The following CD8B2 variants were observed in gnomAD, a reference collection of about 807,000 sequenced individuals.
CD8B2 encodes T-cell surface glycoprotein CD8 beta-2 chain.
In CD8B2, 11 loss-of-function variants were observed where a neutral mutation model predicts 23.7. The ratio of observed to expected loss-of-function variants is 0.46; its 90% CI spans 0.29 to 0.77. The LOEUF (loss-of-function observed/expected upper bound fraction) is 0.77, where lower values mean the gene tolerates loss of function less well. CD8B2 is among the 30% of genes least tolerant of loss of function. CD8B2 has a pLI of 0.09. For missense variants in CD8B2, 197 were observed against 270.5 expected, an observed-to-expected ratio of 0.73 and a Z score of 1.91; for synonymous variants, 90 against 109.3, an observed-to-expected ratio of 0.82 and a Z score of 1.10.
intron 5 of CD8B2, among the ~76,000 whole-genome samples, chr2:106,524,678 T>C (rs1417863309): frequency 6.6e-6 from 1 of 152,210 alleles, no homozygotes; most frequent in Non-Finnish European, 1.5e-5. Flanking sequence ...TTCAGAAGTA[T>C]ATTCTCTTAG....
intron 5 of CD8B2, among the ~76,000 whole-genome samples, chr2:106,541,010 A>C (rs1680163845): frequency 6.6e-6 from 1 of 152,140 alleles, no homozygotes; most frequent in African/African-American, 2.4e-5. Context: ...TCAATGGTCC[A>C]CAGGAGCCCA....
At chr2:106,526,164 C>T (rs1017057398) in intron 5 of CD8B2, among the ~76,000 whole-genome samples, 1 of 151,848 alleles carries the variant, frequency 6.6e-6, no homozygotes, top group Non-Finnish European at 1.5e-5. Context: ...TCACTTGAAC[C>T]CGGGAGGCAG....
chr2:106,507,773 G>A lies in CD8B2; in HGVS notation c.*833G>A, dbSNP rs551327116. On this transcript the variant is annotated 3_prime_UTR_variant, in exon 6 of 6. Transcript: ENST00000643224. ...ATTTGTACATCCTCCTTTTGCACCT[G>A]AGATCCTCATTTGCCCGACATTGTA... is the stretch of plus-strand genomic sequence containing the variant. 7 of 390,998 alleles carry A rather than the reference G, an allele frequency of 1.8e-5. No homozygotes were observed. In the South Asian group the frequency reaches 6.4e-4, roughly 36 times the overall value. 24.2% of individuals were successfully genotyped at this position (390,998 alleles called of 1,614,324 possible). A position where few individuals can be genotyped will look rare whatever the true frequency, so the allele number is the denominator to read the frequency against.
intron 5 of CD8B2, among the ~76,000 whole-genome samples, chr2:106,523,012 A>C (rs1443003009): frequency 6.6e-6 from 1 of 152,132 alleles, no homozygotes; most frequent in Non-Finnish European, 1.5e-5. Flanking sequence ...AAAGGGCCTA[A>C]ATTTTATTTT....
chr2:106,512,860 C>A (rs1307892504), downstream of CD8B2, among the ~76,000 whole-genome samples: 2 of 152,128 alleles, frequency 1.3e-5, no homozygotes, highest in African/African-American at 4.8e-5. Context: ...ATAGTTGGGC[C>A]CCCAGGGCTC....
At position 106,503,740 on chromosome 2, in the gene CD8B2, C is replaced by T. The variant is rs527690840; in HGVS notation, c.584-549C>T. The stretch of plus-strand genomic sequence containing the variant: ...CTTGAGCCCAGGAGTTCAAGTCTAG[C>T]CTAGACAACATAATAAGACCCCATT... On this transcript the variant is annotated intron_variant, in intron 4 of 5. Coordinates refer to ENST00000643224, the MANE Select transcript of CD8B2 (RefSeq NM_001349727.2). Among the ~76,000 whole-genome samples the T allele has an allele frequency of 2.0e-5, 3 of 151,838 alleles. No homozygotes were observed. The South Asian group carries it at 6.3e-4, about 32-fold the overall frequency.
chr2:106,521,029 A>AGG (rs1164057706), intron 5 of CD8B2, among the ~76,000 whole-genome samples: 1 of 148,268 alleles, frequency 6.7e-6, no homozygotes, highest in Non-Finnish European at 1.5e-5. Context: ...TAAGGGAGAG[A>AGG]GAGAGAGAGA....
chr2:106,516,401 C>A (rs752910931), intron 5 of CD8B2, among the ~76,000 whole-genome samples: 2 of 152,168 alleles, frequency 1.3e-5, no homozygotes, highest in African/African-American at 2.4e-5. Flanking sequence ...TGACCCGATA[C>A]CTTCTTTCCC....
chr2:106,503,558 C>T (rs928536304), intron 4 of CD8B2, among the ~76,000 whole-genome samples: 2 of 152,054 alleles, frequency 1.3e-5, no homozygotes, highest in Admixed American at 6.6e-5. Flanking sequence ...GTTAAATAAG[C>T]GAATACAGCT....
intron 5 of CD8B2, among the ~76,000 whole-genome samples, chr2:106,520,682 C>T (rs1167513002): frequency 2.6e-5 from 4 of 151,956 alleles, no homozygotes; most frequent in Admixed American, 1.3e-4. Context: ...ACTTGAGGTC[C>T]AACATGGTGA....
intron 5 of CD8B2, among the ~76,000 whole-genome samples, chr2:106,542,346 A>G (rs565194889): frequency 6.6e-6 from 1 of 152,348 alleles, no homozygotes; most frequent in African/African-American, 2.4e-5. Context: ...ACTTATACAC[A>G]TATGAGGTGC....
rs553106483 is a variant in CD8B2, at chr2:106,497,791, C to T, written c.493+1529C>T. Among the ~76,000 whole-genome samples the T allele has an allele frequency of 1.5e-3, 229 of 152,216 alleles. 1 individual carries two copies. Among genetic ancestry groups the T allele is most frequent in the African/African-American group, 5.1e-3 (212 of 41,530 alleles). ...TATTTTACAAAGTCCCATGCCCTGACCCCTTCACCTAAACGATTTCAGGCA... is the reference window on the plus strand; with the variant it reads ...TATTTTACAAAGTCCCATGCCCTGATCCCTTCACCTAAACGATTTCAGGCA... On this transcript the variant is annotated intron_variant, in intron 3 of 5. Coordinates refer to ENST00000643224, the MANE Select transcript of CD8B2 (RefSeq NM_001349727.2).
chr2:106,517,945 A>C (rs1573344112), intron 5 of CD8B2, among the ~76,000 whole-genome samples: 1 of 151,932 alleles, frequency 6.6e-6, no homozygotes, highest in Non-Finnish European at 1.5e-5. Flanking sequence ...CGATCTCCTG[A>C]CCTCGTGATC....
At chr2:106,514,134 G>A (rs1359093551), downstream of CD8B2, among the ~76,000 whole-genome samples, 1 of 138,208 alleles carries the variant, frequency 7.2e-6, no homozygotes, top group Admixed American at 7.1e-5. Flanking sequence ...TCCATCGAAA[G>A]TCTGCCAGCC....
intron 5 of CD8B2, among the ~76,000 whole-genome samples, chr2:106,529,323 T>C (rs928204990): frequency 6.6e-6 from 1 of 152,176 alleles, no homozygotes; most frequent in Non-Finnish European, 1.5e-5. Flanking sequence ...GAGGGACCAG[T>C]TGCCCTTTAG....
intron 5 of CD8B2, among the ~76,000 whole-genome samples, chr2:106,525,178 A>C (rs1211135457): frequency 2.0e-5 from 3 of 152,162 alleles, no homozygotes; most frequent in Non-Finnish European, 2.9e-5. Flanking sequence ...ATATGCAATC[A>C]ATGGGCCCAG....
chr2:106,530,787 T>C (rs1679981199), intron 5 of CD8B2, among the ~76,000 whole-genome samples: 1 of 152,090 alleles, frequency 6.6e-6, no homozygotes, highest in African/African-American at 2.4e-5. Context: ...CAGGTTGCAG[T>C]GAAGAAACAG....
Position 106,526,921 on chromosome 2 carries a change from C to T in CD8B2, c.621-17071C>T, listed in dbSNP as rs186279568. 3.7e-4 allele frequency among the ~76,000 whole-genome samples: 57 copies of T among 152,316 alleles called. 1 individual carries two copies. Among genetic ancestry groups the T allele is most frequent in the African/African-American group, 1.2e-3 (51 of 41,574 alleles). On this transcript the variant is annotated intron_variant, in intron 5 of 5. Coordinates refer to the CD8B2 transcript ENST00000416057. ...CCTTCCAAAATGTTGAGATTACAGG[C>T]GTGAGCCATGGCACCCCGCTGAATA...
At chr2:106,528,542 A>G (rs1384869957) in intron 5 of CD8B2, among the ~76,000 whole-genome samples, 1 of 152,256 alleles carries the variant, frequency 6.6e-6, no homozygotes, top group Non-Finnish European at 1.5e-5. Context: ...GCAAGGAGCA[A>G]GAGAGATCAT....
Sources: gnomAD v4.1 joint callset for allele counts (sites outside exome capture counted in the v4.1 genomes callset) on GRCh38, gnomAD v4.1.1 for gene constraint, MANE v1.5 for transcripts, NCBI Gene and HGNC (gene_info 2026-07-23, HGNC 2026-07-21) for gene names.